Variants in DYNC1I1 observed in about 807,000 individuals in gnomAD.
DYNC1I1 encodes cytoplasmic dynein 1 intermediate chain 1.
A neutral mutation model predicts 86.6 loss-of-function variants in DYNC1I1; 43 were observed. The ratio of observed to expected loss-of-function variants is 0.50; its 90% CI spans 0.39 to 0.64. The LOEUF (loss-of-function observed/expected upper bound fraction) is 0.64. DYNC1I1 is among the 30% of genes least tolerant of loss of function. The pLI is 0.00. For missense variants in DYNC1I1, 604 were observed against 788.8 expected (o/e 0.77, Z 2.81); for synonymous variants, 262 against 283.7 (o/e 0.92, Z 0.77).
At chr7:95,774,217 G>A (rs963897775) in intron 1 of DYNC1I1, among the ~76,000 whole-genome samples, 2 of 152,162 alleles carry the variant, frequency 1.3e-5, no homozygotes, top group Non-Finnish European at 2.9e-5. Flanking sequence ...GTTGGGGGTC[G>A]AATGCAGGCT....
intron 14 of DYNC1I1, among the ~76,000 whole-genome samples, chr7:96,072,103 A>G (rs1790184536): frequency 6.6e-6 from 1 of 152,208 alleles, no homozygotes; most frequent in South Asian, 2.1e-4. Context: ...TGCGGATTAA[A>G]TTAGACAATG....
chr7:95,949,565 G>T (rs1792497295), intron 6 of DYNC1I1, among the ~76,000 whole-genome samples: 2 of 152,070 alleles, frequency 1.3e-5, no homozygotes, highest in Non-Finnish European at 2.9e-5. Flanking sequence ...TGAAATTGTT[G>T]GAAAAAGAAA....
rs10550145 is a variant in DYNC1I1 at position 95,823,993 on chromosome 7, GTT to G, written c.315-4048_315-4047del. 2.2e-4 allele frequency among the ~76,000 whole-genome samples: 17 copies of G among 78,410 alleles called. 1 individual carries two copies. The highest frequency in any genetic ancestry group is 1.7e-3 in the South Asian group (4 of 2,368). 51.4% of individuals were successfully genotyped at this position (78,410 alleles called of 152,430 possible). ...ATATATATATATGTTTTGGTTTTTT[GTT>G]TTTTTTTTTTTTTTTGAGGCAGGGT... On this transcript the variant is annotated intron_variant, in intron 4 of 16. Transcript: ENST00000447467.
At chr7:96,065,022 A>G (rs1789923067) in intron 14 of DYNC1I1, among the ~76,000 whole-genome samples, 1 of 152,164 alleles carries the variant, frequency 6.6e-6, no homozygotes, top group South Asian at 2.1e-4. Flanking sequence ...TTCGATTAAA[A>G]TATCTCAAAC....
intron 6 of DYNC1I1, among the ~76,000 whole-genome samples, chr7:95,914,396 A>C (rs1018924691): frequency 3.3e-5 from 5 of 152,208 alleles, no homozygotes; most frequent in Admixed American, 6.5e-5. Flanking sequence ...GAGAGCAAAT[A>C]ATTTAAAAAG....
intron 5 of DYNC1I1, among the ~76,000 whole-genome samples, chr7:95,856,622 A>C (rs574677926): frequency 6.6e-6 from 1 of 152,240 alleles, no homozygotes; most frequent in Non-Finnish European, 1.5e-5. Context: ...ACTCTTCATT[A>C]GTCAGTTCCT....
intron 5 of DYNC1I1, among the ~76,000 whole-genome samples, chr7:95,863,434 A>G (rs1245162333): frequency 3.3e-5 from 5 of 152,194 alleles, no homozygotes; most frequent in Non-Finnish European, 7.4e-5. Flanking sequence ...TGATGGTTGC[A>G]CAATTTTGTG....
chr7:96,070,640 C>T (rs1189280117), intron 14 of DYNC1I1, among the ~76,000 whole-genome samples: 1 of 152,132 alleles, frequency 6.6e-6, no homozygotes, highest in Non-Finnish European at 1.5e-5. Flanking sequence ...CCCCCTACCA[C>T]CTACCCACCC....
chr7:95,913,161 A>G (rs1791381918), intron 6 of DYNC1I1, among the ~76,000 whole-genome samples: 1 of 152,172 alleles, frequency 6.6e-6, no homozygotes, highest in Non-Finnish European at 1.5e-5. Flanking sequence ...TCATGGTTCT[A>G]TCCTGGGTGG....
chr7:96,077,123 C>T (rs1456226002), intron 15 of DYNC1I1, among the ~76,000 whole-genome samples: 2 of 152,030 alleles, frequency 1.3e-5, no homozygotes, highest in Non-Finnish European at 2.9e-5. Context: ...AACTATATGT[C>T]AAGTGGAGAA....
At chr7:95,807,757 C>T (rs1794735640) in intron 2 of DYNC1I1, among the ~76,000 whole-genome samples, 2 of 152,154 alleles carry the variant, frequency 1.3e-5, no homozygotes, top group South Asian at 4.1e-4. Flanking sequence ...AAAGCTGCCT[C>T]TGATACCTTT....
chr7:95,787,648 T>A (rs1032896682), intron 1 of DYNC1I1, among the ~76,000 whole-genome samples: 5 of 152,202 alleles, frequency 3.3e-5, no homozygotes, highest in Admixed American at 2.0e-4. Flanking sequence ...CCAGTCACTA[T>A]CCTAAGTATT....
chr7:95,967,222 A>G (rs1339990239), intron 6 of DYNC1I1, among the ~76,000 whole-genome samples: 2 of 152,176 alleles, frequency 1.3e-5, no homozygotes, highest in African/African-American at 4.8e-5. Context: ...AAATGCCATA[A>G]TCTTAAACAT....
intron 14 of DYNC1I1, among the ~76,000 whole-genome samples, chr7:96,042,913 G>A (rs564971538): frequency 6.6e-6 from 1 of 152,210 alleles, no homozygotes; most frequent in East Asian, 1.9e-4. Flanking sequence ...TGTGATCCCA[G>A]CACTTTGGGA....
At chr7:95,798,507 C>CA (rs1306098492) in intron 1 of DYNC1I1, among the ~76,000 whole-genome samples, 3 of 151,684 alleles carry the variant, frequency 2.0e-5, no homozygotes, top group Admixed American at 1.3e-4. Flanking sequence ...ATGAAAAGTT[C>CA]AATATATGAT....
intron 14 of DYNC1I1, among the ~76,000 whole-genome samples, chr7:96,056,705 T>C (rs1789587698): frequency 6.6e-6 from 1 of 152,130 alleles, no homozygotes; most frequent in African/African-American, 2.4e-5. Flanking sequence ...TATATCTATA[T>C]ATAGTATATG....
At chr7:96,106,856 C>A (rs149491147) in intron 16 of DYNC1I1, among the ~76,000 whole-genome samples, 2 of 152,290 alleles carry the variant, frequency 1.3e-5, no homozygotes, top group East Asian at 3.9e-4. Flanking sequence ...GGTCAACTTG[C>A]TAAATATTCC....
At chr7:95,783,869 T>C (rs1794059544) in intron 1 of DYNC1I1, among the ~76,000 whole-genome samples, 1 of 152,248 alleles carries the variant, frequency 6.6e-6, no homozygotes, top group South Asian at 2.1e-4. Context: ...ATTTTCTTCA[T>C]CTGTAAAACA....
chr7:96,065,730 C>A (rs1162178440), intron 14 of DYNC1I1, among the ~76,000 whole-genome samples: 1 of 152,158 alleles, frequency 6.6e-6, no homozygotes, highest in Non-Finnish European at 1.5e-5. Context: ...GTGACTGATT[C>A]TTTAGTGTGG....
Sources: allele counts gnomAD v4.1 joint callset (sites outside exome capture counted in the v4.1 genomes callset), GRCh38; gene constraint gnomAD v4.1.1; transcripts MANE v1.5; gene names NCBI Gene and HGNC (gene_info 2026-07-23, HGNC 2026-07-21).